Variants in MRTFB observed in about 807,000 individuals in gnomAD.
The protein encoded by MRTFB is myocardin-related transcription factor B.
MRTFB carries 29 observed loss-of-function variants against 104.2 expected under a neutral mutation model. The ratio of observed to expected loss-of-function variants is 0.28; its 90% CI spans 0.21 to 0.38. MRTFB has a LOEUF of 0.38. MRTFB is among the 10% of genes least tolerant of loss of function. MRTFB has a pLI of 1.00. For missense variants in MRTFB, 1,270 were observed against 1,341.6 expected (o/e 0.95, Z 0.83); for synonymous variants, 535 against 519.5 (o/e 1.03, Z -0.41).
chr16:14,253,540 C>G (rs919689770), intron 15 of MRTFB, among the ~76,000 whole-genome samples: 2 of 152,192 alleles, frequency 1.3e-5, no homozygotes, highest in African/African-American at 4.8e-5. Context: ...TTCTAGCAAG[C>G]AGCAAACAAG....
the MRTFB span, among the ~76,000 whole-genome samples, chr16:14,064,227 G>A: frequency 6.6e-6 from 1 of 152,194 alleles, no homozygotes; most frequent in Non-Finnish European, 1.5e-5. Context: ...CTGATGATTA[G>A]TGAGGTTGAG....
In MRTFB at chr16:14,158,999, G is replaced by C. The variant is rs1369284446; in HGVS notation, c.154+18239G>C. ...AAAAAAAAAAAAAAAAAAAAACTTA[G>C]GTGTTGTGACTTATGCCTGTGGTCC... On this transcript the variant is annotated intron_variant, in intron 3 of 16. Transcript: ENST00000571589. Among the ~76,000 whole-genome samples the C allele has an allele frequency of 2.0e-5, 3 of 150,976 alleles. No homozygotes were observed. The East Asian group carries it at 5.8e-4, about 29-fold the overall frequency.
chr16:14,213,443 G>T, intron 5 of MRTFB, 102 bp from the exon 6 acceptor site: 1 of 711,876 alleles, frequency 1.4e-6, no homozygotes, highest in Non-Finnish European at 2.2e-6. Flanking sequence ...TCAAACACAT[G>T]ACCATAAGCG....
At chr16:14,237,501 A>G (rs546656925) in intron 9 of MRTFB, among the ~76,000 whole-genome samples, 2 of 152,368 alleles carry the variant, frequency 1.3e-5, no homozygotes, top group East Asian at 3.9e-4. Flanking sequence ...GAGTGGGCAC[A>G]AGAGAGCCTG....
At chr16:14,072,691 A>G (rs1440138207) in intron 1 of MRTFB, among the ~76,000 whole-genome samples, 1 of 152,210 alleles carries the variant, frequency 6.6e-6, no homozygotes, top group Admixed American at 6.5e-5. Flanking sequence ...ACTTCAGGGA[A>G]AGAGCAGAGA....
Position 14,266,378 on chromosome 16 carries a change from A to T in MRTFB, c.*4934A>T, listed in dbSNP as rs909622258. ...GATAGGTGTTTCTCTTCTTATTTTC[A>T]TTGTCACATTATGTCTTAGCATCTC... On this transcript the variant is annotated 3_prime_UTR_variant, in exon 17 of 17. Coordinates refer to ENST00000571589, the MANE Select transcript of MRTFB (RefSeq NM_001308142.2). 1 of 152,014 alleles carries T rather than the reference A, an allele frequency of 6.6e-6. No homozygotes were observed. Among genetic ancestry groups the T allele is most frequent in the Non-Finnish European group, 1.5e-5 (1 of 67,990 alleles). The allele number at this position is 152,014 out of a possible 1,614,324, so 9.4% of individuals were successfully genotyped here.
chr16:14,153,403 A>C (rs1056327021), intron 3 of MRTFB, among the ~76,000 whole-genome samples: 2 of 152,206 alleles, frequency 1.3e-5, no homozygotes. Context: ...GAATTTGGTT[A>C]AATAACAATT....
intron 12 of MRTFB, chr16:14,247,791 A>G (rs1269407685): frequency 1.1e-5 from 4 of 368,968 alleles, no homozygotes; most frequent in African/African-American, 2.1e-5. Flanking sequence ...TGACGTGATC[A>G]TTGTGATCAT....
intron 3 of MRTFB, chr16:14,199,919 T>C (rs1334466785): frequency 1.1e-5 from 2 of 182,338 alleles, no homozygotes; most frequent in African/African-American, 4.8e-5. Flanking sequence ...ATTTATATTA[T>C]TTGACATGAT....
At chr16:14,116,452 A>G (rs1157728618) in intron 2 of MRTFB, among the ~76,000 whole-genome samples, 1 of 152,072 alleles carries the variant, frequency 6.6e-6, no homozygotes, top group African/African-American at 2.4e-5. Context: ...CAACCTTAGC[A>G]CTATTAACTT....
chr16:14,251,624 G>C (rs1057194218), intron 13 of MRTFB, among the ~76,000 whole-genome samples: 1 of 152,186 alleles, frequency 6.6e-6, no homozygotes, highest in African/African-American at 2.4e-5. Context: ...TATGGATAAA[G>C]TTTTATTGGC....
At chr16:14,194,891 G>A (rs1265338546) in intron 3 of MRTFB, among the ~76,000 whole-genome samples, 5 of 152,038 alleles carry the variant, frequency 3.3e-5, no homozygotes, top group African/African-American at 1.2e-4. Flanking sequence ...CTCCCAGGAT[G>A]GAGTCTGACA....
chr16:14,159,261 C>A (rs970575163), intron 3 of MRTFB, among the ~76,000 whole-genome samples: 1 of 152,128 alleles, frequency 6.6e-6, no homozygotes, highest in African/African-American at 2.4e-5. Flanking sequence ...AACCAAGGAC[C>A]TTGGTAGTCT....
intron 2 of MRTFB, among the ~76,000 whole-genome samples, chr16:14,107,382 G>A (rs1489010340): frequency 6.6e-6 from 1 of 152,132 alleles, no homozygotes; most frequent in Non-Finnish European, 1.5e-5. Flanking sequence ...TCTCTCCCAT[G>A]GAATTGAAAT....
chr16:13,996,215 T>C, the MRTFB span, among the ~76,000 whole-genome samples: 2 of 151,714 alleles, frequency 1.3e-5, no homozygotes, highest in African/African-American at 4.8e-5. Context: ...GAGGTTGCAG[T>C]GAGCCAAGAT....
chr16:14,132,785 C>G (rs181924436), intron 2 of MRTFB, among the ~76,000 whole-genome samples: 5 of 152,328 alleles, frequency 3.3e-5, no homozygotes, highest in Admixed American at 2.6e-4. Flanking sequence ...ATTACCAACT[C>G]TCTCCATTCC....
chr16:14,192,774 C>T (rs2040244484), intron 3 of MRTFB, among the ~76,000 whole-genome samples: 1 of 152,170 alleles, frequency 6.6e-6, no homozygotes, highest in Non-Finnish European at 1.5e-5. Flanking sequence ...CATCTGCCTC[C>T]CTGATGTTTC....
the MRTFB span, among the ~76,000 whole-genome samples, chr16:13,997,835 C>G: frequency 7.2e-6 from 1 of 139,550 alleles, no homozygotes; most frequent in African/African-American, 2.7e-5. Context: ...ATTTATTCAA[C>G]AAACATTTGA....
At chr16:14,029,107 C>A in the MRTFB span, among the ~76,000 whole-genome samples, 2 of 151,762 alleles carry the variant, frequency 1.3e-5, no homozygotes, top group African/African-American at 4.8e-5. Flanking sequence ...TCAGGCAGGG[C>A]AACATAACAA....
Sources: gnomAD v4.1 joint callset for allele counts (sites outside exome capture counted in the v4.1 genomes callset) on GRCh38, gnomAD v4.1.1 for gene constraint, MANE v1.5 for transcripts, NCBI Gene and HGNC (gene_info 2026-07-23, HGNC 2026-07-21) for gene names.